The following SPTB variants were observed in gnomAD, a reference collection of about 807,000 sequenced individuals.
The protein encoded by SPTB is spectrin beta chain, erythrocytic.
A neutral mutation model predicts 256.2 loss-of-function variants in SPTB; 45 were observed. The ratio of observed to expected loss-of-function variants is 0.18; its 90% confidence interval spans 0.14 to 0.23. The LOEUF (loss-of-function observed/expected upper bound fraction) is 0.23, where lower values mean the gene tolerates loss of function less well. Ranked by LOEUF, SPTB falls within the 10% of genes least tolerant of loss-of-function variation. The pLI is 1.00. For missense variants in SPTB, 2,715 were observed against 3,040.4 expected (o/e 0.89, Z 2.52); for synonymous variants, 1,231 against 1,243.1 (o/e 0.99, Z 0.21).
chr14:64,781,883 A>G (rs550225056), intron 20 of SPTB, among the ~76,000 whole-genome samples: 127 of 152,388 alleles, frequency 8.3e-4, no homozygotes, highest in African/African-American at 3.0e-3. Flanking sequence ...TTTCACAGCC[A>G]TAAAAAAAGA....
Position 64,775,449 on chromosome 14 carries a change from G to T in SPTB, c.4564-46C>A, listed in dbSNP as rs61392811. The T allele has an allele frequency of 6.3e-6, 10 of 1,582,726 alleles. No homozygotes were observed. The highest frequency in any genetic ancestry group is 7.7e-6 in the Non-Finnish European group (9 of 1,162,806). The stretch of plus-strand genomic sequence containing the variant: ...TCGGGGCAGGGCCTTCCCACCATGC[G>T]GGGGAGGCTGCTTCAGCAGTGGCAG... On this transcript the variant is annotated intron_variant, in intron 22 of 35. Transcript: ENST00000644917. This position sits in a 1 kb window ranked among gnomAD's most constrained non-coding sequence, Gnocchi z 5.0.
chr14:64,750,272 T>C (rs1442270669), intron 33 of SPTB, 118 bp from the exon 34 acceptor site: 3 of 1,021,296 alleles, frequency 2.9e-6, no homozygotes, highest in Non-Finnish European at 4.2e-6. Flanking sequence ...CATAGTAACA[T>C]GTTTTATTGT....
chr14:64,801,653 C>G (rs2082888687), intron 6 of SPTB, 101 bp downstream of exon 6: 1 of 1,232,862 alleles, frequency 8.1e-7, no homozygotes, highest in Non-Finnish European at 1.2e-6. Flanking sequence ...GAAGGAACAG[C>G]AGAGGTCACA....
rs547777871 is a variant in SPTB at position 64,867,829 on chromosome 14, T to A, written c.-52+11963A>T. ...AGATCATGCCACTGTACTCCAGCCC[T>A]CTGGCCTGGGCAACAGGGTGACTCT... On this transcript the variant is annotated intron_variant, in intron 1 of 35. Transcript: ENST00000644917. Among the ~76,000 whole-genome samples the A allele has an allele frequency of 1.2e-4, 17 of 141,360 alleles. No homozygotes were observed. In the South Asian group the frequency reaches 3.7e-3, roughly 31 times the overall value. The allele number at this position is 141,360 out of a possible 152,430, so 92.7% of individuals were successfully genotyped here. A position where few individuals can be genotyped will look rare whatever the true frequency, so the allele number is the denominator to read the frequency against.
Position 64,753,489 on chromosome 14 carries a change from T to C in SPTB, c.6602+48A>G, listed in dbSNP as rs536822649. 6 of 1,611,718 alleles carry C rather than the reference T, an allele frequency of 3.7e-6. No individual in the cohort carries two copies. The African/African-American group carries it at 5.3e-5, about 14-fold the overall frequency. ...AAGGCTCTGCTAGCAGAGAGATCCC[T>C]GAGAGCTGCCCAACCTACCCTCAGC... On this transcript the variant is annotated intron_variant, in intron 33 of 35. Transcript: ENST00000644917.
At position 64,786,420 on chromosome 14, in the gene SPTB, G is replaced by A; in HGVS notation, c.3545C>T (p.Ala1182Val). 1 of 1,614,084 alleles carries A rather than the reference G, an allele frequency of 6.2e-7. No homozygotes were observed. The highest frequency in any genetic ancestry group is 1.3e-5 in the African/African-American group (1 of 75,048). ...EFQKDAKQAE[A>V]ILSNQEYTLA... is the part of the protein sequence containing the mutation. ...CCTCTCTACCTGGTTGCTGAGGATG[G>A]CTTCAGCCTGCTTGGCATCTTTCTG... The change falls in exon 16 of 36, where the codon GCC becomes GTC. Residue 1182 changes from alanine to valine, a missense_variant. By Grantham distance (64) the Ala-to-Val change is moderately conservative. Around this residue, in one of 4 missense-constraint regions of SPTB, gnomAD observed 2,239 missense variants for 2,384.4 expected, o/e 0.94. Coordinates refer to ENST00000644917, the MANE Select transcript of SPTB (RefSeq NM_001355436.2). The surrounding 1 kb of genome is among the most constrained non-coding windows in gnomAD (Gnocchi z 5.6).
Position 64,775,032 on chromosome 14 carries a change from A to G in SPTB, c.4842+93T>C. Reference sequence around the variant, plus strand: ...CCCCTCCCCTGGCCTCACTCCTCACACAGTTGGACTCACAAGGCTCCCTAC... The same window carrying G: ...CCCCTCCCCTGGCCTCACTCCTCACGCAGTTGGACTCACAAGGCTCCCTAC... On this transcript the variant is annotated intron_variant, in intron 23 of 35. Coordinates refer to ENST00000644917, the MANE Select transcript of SPTB (RefSeq NM_001355436.2). The surrounding 1 kb of genome is among the most constrained non-coding windows in gnomAD (Gnocchi z 5.0). 2.5e-6 allele frequency: 4 copies of G among 1,579,828 alleles called. No individual in the cohort carries two copies. The highest frequency in any genetic ancestry group is 2.6e-6 in the Non-Finnish European group (3 of 1,153,086).
At chr14:64,834,484 G>A (rs2083491619) in intron 1 of SPTB, among the ~76,000 whole-genome samples, 1 of 151,394 alleles carries the variant, frequency 6.6e-6, no homozygotes, top group African/African-American at 2.4e-5. Context: ...GGAGTGCAGT[G>A]GCATGATCTC....
chr14:64,770,853 A>AGCT, intron 27 of SPTB, 32 bp downstream of exon 27: 1 of 1,613,626 alleles, frequency 6.2e-7, no homozygotes, highest in South Asian at 1.1e-5. Context: ...CCTGGAGAGG[A>AGCT]GCTGCCTCTG....
Position 64,767,847 on chromosome 14 carries a change from C to T in SPTB, c.6035G>A (p.Cys2012Tyr), listed in dbSNP as rs755580710. ...WERLRMLLEV[C>Y]QFSRDASVAE... ...CACAGAGGCATCCCTCGAGAACTGG[C>T]ACACCTCCAGCACTGCCAGGGGGAA... The change falls in exon 30 of 36, where the codon TGC becomes TAC. Residue 2012 changes from cysteine to tyrosine, a missense_variant. Transcript: ENST00000644917. The T allele has an allele frequency of 6.2e-7, 1 of 1,613,904 alleles. No homozygotes were observed.
chr14:64,765,021 TGTGC>T (rs1426261149), intron 32 of SPTB, among the ~76,000 whole-genome samples: 17 of 101,882 alleles, frequency 1.7e-4, no homozygotes, highest in African/African-American at 6.8e-4. Context: ...CAGAGGAGTG[TGTGC>T]GTGTGTGTGT....
At chr14:64,865,934 C>A (rs1594856923) in intron 1 of SPTB, among the ~76,000 whole-genome samples, 4 of 152,302 alleles carry the variant, frequency 2.6e-5, no homozygotes, top group Admixed American at 2.6e-4. Flanking sequence ...ATCAAGATTT[C>A]CCAACAGTTC....
intron 1 of SPTB, among the ~76,000 whole-genome samples, chr14:64,839,712 ATTTATT>A (rs1229931832): frequency 6.6e-6 from 1 of 152,212 alleles, no homozygotes; most frequent in Non-Finnish European, 1.5e-5. Context: ...AATTATTATA[ATTTATT>A]TTTAAGTAAT....
intron 32 of SPTB, among the ~76,000 whole-genome samples, chr14:64,757,973 G>A (rs943494728): frequency 3.3e-5 from 5 of 152,186 alleles, no homozygotes; most frequent in Admixed American, 1.3e-4. Flanking sequence ...CAGGTGTTGG[G>A]TCAGACAGGC....
Position 64,824,962 on chromosome 14 carries a change from C to A in SPTB, c.-51-1817G>T, listed in dbSNP as rs1345723129. Among the ~76,000 whole-genome samples the A allele has an allele frequency of 6.6e-6, 1 of 152,150 alleles. No homozygotes were observed. Among genetic ancestry groups the A allele is most frequent in the Admixed American group, 6.5e-5 (1 of 15,284 alleles). On this transcript the variant is annotated intron_variant, in intron 1 of 35. Coordinates refer to ENST00000644917, the MANE Select transcript of SPTB (RefSeq NM_001355436.2). The surrounding 1 kb of genome is among the most constrained non-coding windows in gnomAD (Gnocchi z 5.7). ...AACCAAGGCCTGCTGCAGGAGGAGG[C>A]CTCCCCAGGGTCATCCGGTGGAATG...
At chr14:64,757,226 T>C (rs59386634) in intron 32 of SPTB, 14,914 of 152,276 alleles carry the variant, frequency 0.098, 915 homozygotes, top group African/African-American at 0.17. Context: ...CAGCCTCTGC[T>C]CTCCTGGGAT....
rs116589340 is a variant in SPTB at position 64,767,413 on chromosome 14, G to A, written c.6220-61C>T. 5.5e-5 allele frequency: 89 copies of A among 1,604,490 alleles called. No homozygotes were observed. The African/African-American group carries it at 1.0e-3, about 19-fold the overall frequency. On this transcript the variant is annotated intron_variant, in intron 30 of 35. Coordinates refer to ENST00000644917, the MANE Select transcript of SPTB (RefSeq NM_001355436.2). ...ACAGAGGCGAGTTGTGTTCTCAGAC[G>A]ATCTCCCTCTGGATGCGGCCCTGCA...
rs1018030362 is a variant in SPTB at position 64,760,659 on chromosome 14, T to C, written c.6345+6067A>G. On this transcript the variant is annotated intron_variant, in intron 32 of 35. Coordinates refer to ENST00000644917, the MANE Select transcript of SPTB (RefSeq NM_001355436.2). This position sits in a 1 kb window ranked among gnomAD's most constrained non-coding sequence, Gnocchi z 4.3. ...ATGCTACTTTTAAGAGATGAAGGAC[T>C]GAGGTGGGGGATGGAGAAAAATGAA... Among the ~76,000 whole-genome samples, 1 of 152,170 alleles carries C rather than the reference T, an allele frequency of 6.6e-6. No individual in the cohort carries two copies. Among genetic ancestry groups the C allele is most frequent in the African/African-American group, 2.4e-5 (1 of 41,448 alleles).
Position 64,792,800 on chromosome 14 carries a change from C to T in SPTB, c.2666+197G>A, listed in dbSNP as rs1366397303. On this transcript the variant is annotated intron_variant, in intron 14 of 35. Coordinates refer to ENST00000644917, the MANE Select transcript of SPTB (RefSeq NM_001355436.2). The surrounding 1 kb of genome is among the most constrained non-coding windows in gnomAD (Gnocchi z 4.2). ...TTCCCTTTGTTTGAGGAACACAAGG[C>T]CCCAAAGGGTGAAGTACCCCAGGCC... is the stretch of plus-strand genomic sequence containing the variant. Among the ~76,000 whole-genome samples, 1 of 152,198 alleles carries T rather than the reference C, an allele frequency of 6.6e-6. No individual in the cohort carries two copies. Among genetic ancestry groups the T allele is most frequent in the Non-Finnish European group, 1.5e-5 (1 of 68,032 alleles).
Sources: gnomAD v4.1 joint callset for allele counts (sites outside exome capture counted in the v4.1 genomes callset) on GRCh38, gnomAD v4.1.1 for gene constraint, gnomAD v4.1.1 regional missense constraint, Gnocchi (gnomAD v3.1) non-coding constraint, MANE v1.5 for transcripts, NCBI Gene and HGNC (gene_info 2026-07-23, HGNC 2026-07-21) for gene names.